Variants in TMEM179B observed in about 807,000 individuals in gnomAD.
TMEM179B encodes the protein transmembrane protein 179B.
TMEM179B carries 13 observed loss-of-function variants against 18.0 expected under a neutral mutation model. The ratio of observed to expected loss-of-function variants is 0.72; its 90% confidence interval spans 0.47 to 1.15. The LOEUF (loss-of-function observed/expected upper bound fraction) is 1.15. TMEM179B is among the 50% of genes most tolerant of loss of function. TMEM179B has a pLI of 0.00. For missense variants in TMEM179B, 320 were observed against 270.6 expected (o/e 1.18, Z -1.28); for synonymous variants, 159 against 117.5 (o/e 1.35, Z -2.29).
chr11:62,789,201 A>G lies in TMEM179B; in HGVS notation c.275A>G (p.Asp92Gly). Residue 92 changes from aspartate (D) to glycine (G), a missense_variant, in exon 2 of 5, where the codon GAC becomes GGC. Physicochemically the swap from Asp to Gly is moderately conservative, Grantham distance 94 (BLOSUM62 -1). Coordinates refer to ENST00000333449, the MANE Select transcript of TMEM179B (RefSeq NM_199337.3). ...LFWIYSSCIEDSHRGAIGLRI... is the reference protein window; with the variant it reads ...LFWIYSSCIEGSHRGAIGLRI... ...TGGATCTACAGCAGCTGCATCGAGG[A>G]CTCCCACAGGTGACTGCCTAACCCT... The G allele has an allele frequency of 6.2e-7, 1 of 1,613,852 alleles. No individual in the cohort carries two copies. Among genetic ancestry groups the G allele is most frequent in the South Asian group, 1.1e-5 (1 of 91,062 alleles).
In TMEM179B at chr11:62,789,652, GT is replaced by G; in HGVS notation, c.475del (p.Tyr159ThrfsTer13). The G allele has an allele frequency of 6.5e-7, 1 of 1,550,288 alleles. No individual in the cohort carries two copies. The highest frequency in any genetic ancestry group is 8.7e-7 in the Non-Finnish European group (1 of 1,153,038). ...GGACACCCCCTGGAACTGCTCTGCAGTTTTACTCCAACCTACACAATGCTGA... is the reference window on the plus strand; with the variant it reads ...GGACACCCCCTGGAACTGCTCTGCAGTTTACTCCAACCTACACAATGCTGA... The part of the protein sequence containing the change: ...PWTPPGTALQ[F>X]YSNLHNAETS... On this transcript the variant is annotated frameshift_variant, in exon 4 of 5. Coordinates refer to ENST00000333449, the MANE Select transcript of TMEM179B (RefSeq NM_199337.3). LOFTEE classifies it high-confidence loss of function.
intron 1 of TMEM179B, among the ~76,000 whole-genome samples, chr11:62,788,586 C>CA (rs2084318704): frequency 1.3e-5 from 2 of 151,734 alleles, no homozygotes; most frequent in Non-Finnish European, 2.9e-5. Flanking sequence ...TGCCTGTAGT[C>CA]CCAGCTACTC....
chr11:62,787,717 A>G (rs2084304380), intron 1 of TMEM179B, 190 bp downstream of exon 1: 2 of 765,208 alleles, frequency 2.6e-6, no homozygotes, highest in South Asian at 3.5e-5. Context: ...TGGCCAGGTC[A>G]TACTTCGAAG....
Position 62,787,431 on chromosome 11 carries a change from C to CATGGCGCT in TMEM179B, c.1_8dup (p.Ser4TrpfsTer28). On this transcript the variant is annotated 5_prime_UTR_variant, in exon 1 of 5. The change creates a new upstream start codon in the 5' untranslated region. Transcript: ENST00000333449. ...CGGCGCTTCCTGGTGGTCAGGGCGCCATGGCGCTGTCCTGGCTGCAGCGCG... is the reference window on the plus strand; with the variant it reads ...CGGCGCTTCCTGGTGGTCAGGGCGCCATGGCGCTATGGCGCTGTCCTGGCTGCAGCGCG... 2 of 1,563,730 alleles carry CATGGCGCT rather than the reference C, an allele frequency of 1.3e-6. No individual in the cohort carries two copies. Among genetic ancestry groups the CATGGCGCT allele is most frequent in the Non-Finnish European group, 1.7e-6 (2 of 1,162,286 alleles).
intron 4 of TMEM179B, 37 bp downstream of exon 4, chr11:62,789,716 T>C (rs1451419613): frequency 6.6e-7 from 1 of 1,523,648 alleles, no homozygotes; most frequent in Non-Finnish European, 8.8e-7. Flanking sequence ...CTGACATAAA[T>C]ATCTGTAGCT....
chr11:62,789,748 T>C, intron 4 of TMEM179B, 69 bp downstream of exon 4: 1 of 1,515,788 alleles, frequency 6.6e-7, no homozygotes, highest in South Asian at 1.3e-5. Flanking sequence ...CACCAGTGTA[T>C]TGTGAGCTTG....
Position 62,790,166 on chromosome 11 carries a change from G to T in TMEM179B, c.*119G>T. The T allele has an allele frequency of 1.7e-6, 2 of 1,178,310 alleles. No individual in the cohort carries two copies. Among genetic ancestry groups the T allele is most frequent in the Non-Finnish European group, 2.3e-6 (2 of 871,066 alleles). 73.0% of individuals were successfully genotyped at this position (1,178,310 alleles called of 1,614,324 possible). A position where few individuals can be genotyped will look rare whatever the true frequency, so the allele number is the denominator to read the frequency against. On this transcript the variant is annotated 3_prime_UTR_variant, in exon 5 of 5. Coordinates refer to ENST00000333449, the MANE Select transcript of TMEM179B (RefSeq NM_199337.3). Reference sequence around the variant, plus strand: ...TTTTCCTTTCGTTGGGGGGTGGGGGGGAAACATAATGACAGGCCCCCCTCC... The same window carrying T: ...TTTTCCTTTCGTTGGGGGGTGGGGGTGAAACATAATGACAGGCCCCCCTCC...
chr11:62,788,497 G>A (rs1016736808), intron 1 of TMEM179B, among the ~76,000 whole-genome samples: 10 of 152,136 alleles, frequency 6.6e-5, no homozygotes, highest in Non-Finnish European at 1.2e-4. Context: ...GAGGTCAGGA[G>A]ATCAAGACCA....
Position 62,789,083 on chromosome 11 carries a change from G to A in TMEM179B, c.157G>A (p.Ala53Thr), listed in dbSNP as rs769768771. 6.2e-6 allele frequency: 10 copies of A among 1,614,180 alleles called. No homozygotes were observed. The highest frequency in any genetic ancestry group is 7.6e-6 in the Non-Finnish European group (9 of 1,180,038). The change falls in exon 2 of 5, where the codon GCC becomes ACC. Residue 53 changes from alanine to threonine, a missense_variant. Physicochemically the swap from Ala to Thr is moderately conservative, Grantham distance 58 (BLOSUM62 0). Coordinates refer to ENST00000333449, the MANE Select transcript of TMEM179B (RefSeq NM_199337.3). ...GGCCACCCTGAATGGCTCCTCCCTG[G>A]CCTTATCCCGTCCCTCAGCACCATC... ...GVATLNGSSL[A>T]LSRPSAPSLC...
In TMEM179B at chr11:62,789,069, A is replaced by T. The variant is rs756835859; in HGVS notation, c.143A>T (p.Asn48Ile). 5.6e-6 allele frequency: 9 copies of T among 1,614,116 alleles called. No individual in the cohort carries two copies. Among genetic ancestry groups the T allele is most frequent in the Non-Finnish European group, 7.6e-6 (9 of 1,180,000 alleles). ...RCPLYGVATL[N>I]GSSLALSRPS... ...CCCCTGTATGGTGTGGCCACCCTGAATGGCTCCTCCCTGGCCTTATCCCGT... is the reference window on the plus strand; with the variant it reads ...CCCCTGTATGGTGTGGCCACCCTGATTGGCTCCTCCCTGGCCTTATCCCGT... The change falls in exon 2 of 5, where the codon AAT (asparagine) becomes ATT (isoleucine). Residue 48 changes from asparagine (N) to isoleucine (I), a missense_variant. Coordinates refer to ENST00000333449, the MANE Select transcript of TMEM179B (RefSeq NM_199337.3).
intron 4 of TMEM179B, 29 bp from the exon 5 acceptor site, chr11:62,789,857 C>G: frequency 6.2e-7 from 1 of 1,603,634 alleles, no homozygotes; most frequent in Non-Finnish European, 8.5e-7. Flanking sequence ...TGGTCCCACT[C>G]CTGACGATCC....
In TMEM179B at chr11:62,790,105, C is replaced by G. The variant is rs895343499; in HGVS notation, c.*58C>G. ...CTCCATGCCCAAGTGCCTGTAATCC[C>G]CCCCCTCAAGGCCCTGTTTATGTTG... On this transcript the variant is annotated 3_prime_UTR_variant, in exon 5 of 5. Coordinates refer to ENST00000333449, the MANE Select transcript of TMEM179B (RefSeq NM_199337.3). 3 of 1,507,714 alleles carry G rather than the reference C, an allele frequency of 2.0e-6. No homozygotes were observed. The highest frequency in any genetic ancestry group is 1.4e-5 in the African/African-American group (1 of 71,780). 93.4% of individuals were successfully genotyped at this position (1,507,714 alleles called of 1,614,324 possible). A position where few individuals can be genotyped will look rare whatever the true frequency, so the allele number is the denominator to read the frequency against.
chr11:62,787,582 G>A (rs2084301913), intron 1 of TMEM179B, 55 bp downstream of exon 1: 11 of 1,464,892 alleles, frequency 7.5e-6, no homozygotes, highest in African/African-American at 1.4e-5. Flanking sequence ...TCTGGACATG[G>A]CGAGGCCACT....
At position 62,787,481 on chromosome 11, in the gene TMEM179B, C is replaced by T; in HGVS notation, c.50C>T (p.Ala17Val). 6.3e-7 allele frequency: 1 copy of T among 1,579,050 alleles called. No individual in the cohort carries two copies. Among genetic ancestry groups the T allele is most frequent in the East Asian group, 2.3e-5 (1 of 43,598 alleles). ...GTCGAGCTTGCGCTCTTTGCTGCCG[C>T]CTTCCTGTGCGGGGCCGTGGCGGCC... ...QRVELALFAA[A>V]FLCGAVAAAA... The change falls in exon 1 of 5, where the codon GCC (alanine) becomes GTC (valine). Residue 17 changes from alanine to valine, a missense_variant. Transcript: ENST00000333449.
At chr11:62,789,849 G>A (rs1158902583) in intron 4 of TMEM179B, 37 bp from the exon 5 acceptor site, 1 of 1,598,330 alleles carries the variant, frequency 6.3e-7, no homozygotes, top group Non-Finnish European at 8.5e-7. Flanking sequence ...ATTTGAAATG[G>A]TCCCACTCCT....
Position 62,788,549 on chromosome 11 carries a change from A to G in TMEM179B, c.97-474A>G, listed in dbSNP as rs1590942773. ...GAAACCCTGTCTCTACTAAAAATAC[A>G]AACAATTAGCCAGGCATGGTGGCGG... On this transcript the variant is annotated intron_variant, in intron 1 of 4. Coordinates refer to ENST00000333449, the MANE Select transcript of TMEM179B (RefSeq NM_199337.3). Among the ~76,000 whole-genome samples, 3 of 150,684 alleles carry G rather than the reference A, an allele frequency of 2.0e-5. No individual in the cohort carries two copies. The South Asian group carries it at 6.3e-4, about 32-fold the overall frequency.
chr11:62,787,494 G>A lies in TMEM179B; in HGVS notation c.63G>A (p.Gly21=). The A allele has an allele frequency of 1.3e-6, 2 of 1,578,904 alleles. No homozygotes were observed. Among genetic ancestry groups the A allele is most frequent in the Non-Finnish European group, 8.5e-7 (1 of 1,170,502 alleles). The change falls in exon 1 of 5, where the codon GGG becomes GGA. Residue 21 remains glycine, a synonymous_variant. Transcript: ENST00000333449. The part of the protein sequence containing the change: ...LALFAAAFLC[G]AVAAAAMTRT... ...TCTTTGCTGCCGCCTTCCTGTGCGG[G>A]GCCGTGGCGGCCGCGGCGATGACTC... is the stretch of plus-strand genomic sequence containing the variant.
Position 62,789,339 on chromosome 11 carries a change from T to A in TMEM179B, c.332T>A (p.Val111Asp). The A allele has an allele frequency of 6.2e-7, 1 of 1,613,988 alleles. No homozygotes were observed. The highest frequency in any genetic ancestry group is 8.5e-7 in the Non-Finnish European group (1 of 1,179,988). Residue 111 changes from valine (V) to aspartate (D), a missense_variant, in exon 3 of 5, where the codon GTC (valine) becomes GAC (aspartate). By Grantham distance (152) the Val-to-Asp change is radical. Transcript: ENST00000333449. ...GCACTGGCCATCTCAGCTATAGCCG[T>A]CTTCCTGGTCTTGGTGTCTGCCTGT... Reference protein sequence around the residue: ...RIALAISAIAVFLVLVSACIL... With the variant: ...RIALAISAIADFLVLVSACIL...
chr11:62,788,978 G>C (rs758045127), intron 1 of TMEM179B, 45 bp from the exon 2 acceptor site: 2 of 1,573,862 alleles, frequency 1.3e-6, no homozygotes, highest in Non-Finnish European at 1.7e-6. Context: ...ACTGTATCTA[G>C]AGACATTAAC....
Sources: gnomAD v4.1 joint callset for allele counts (sites outside exome capture counted in the v4.1 genomes callset) on GRCh38, gnomAD v4.1.1 for gene constraint, MANE v1.5 for transcripts, NCBI Gene and HGNC (gene_info 2026-07-23, HGNC 2026-07-21) for gene names.